The following SI variants were observed in gnomAD, a reference collection of about 807,000 sequenced individuals.
SI encodes the protein sucrase-isomaltase.
A neutral mutation model predicts 253.3 loss-of-function variants in SI; 235 were observed. That is an observed-to-expected ratio of 0.93 (90% confidence interval 0.83 to 1.03). SI has a LOEUF of 1.03. Ranked by LOEUF, SI falls within the 50% of genes least tolerant of loss-of-function variation. The pLI is 0.00. For missense variants in SI, 2,442 were observed against 2,211.1 expected, an observed-to-expected ratio of 1.10 and a Z score of -2.09; for synonymous variants, 819 against 712.0, an observed-to-expected ratio of 1.15 and a Z score of -2.39.
intron 7 of SI, among the ~76,000 whole-genome samples, chr3:165,064,377 G>A (rs935323169): frequency 6.6e-6 from 1 of 152,018 alleles, no homozygotes; most frequent in Non-Finnish European, 1.5e-5. Context: ...CTCTGGTGTC[G>A]ATTATAGATA....
rs1472651217 is a variant in SI, at chr3:165,003,328, G to A, written c.4406+3488C>T. Among the ~76,000 whole-genome samples, 10 of 151,604 alleles carry A rather than the reference G, an allele frequency of 6.6e-5. No homozygotes were observed. In the East Asian group the frequency reaches 1.2e-3, roughly 18 times the overall value. ...TCATCACTCAATTTTCAATATTTTTGTTCTTTTTAATGTCTACAGTTTTAG... is the reference window on the plus strand; with the variant it reads ...TCATCACTCAATTTTCAATATTTTTATTCTTTTTAATGTCTACAGTTTTAG... On this transcript the variant is annotated intron_variant, in intron 37 of 47. Coordinates refer to ENST00000264382, the MANE Select transcript of SI (RefSeq NM_001041.4).
intron 20 of SI, 84 bp from the exon 21 acceptor site, chr3:165,038,108 T>C: frequency 8.0e-7 from 1 of 1,243,848 alleles, no homozygotes; most frequent in Non-Finnish European, 1.2e-6. Flanking sequence ...GCATTTTTAT[T>C]ATGAGCAATT....
intron 6 of SI, among the ~76,000 whole-genome samples, chr3:165,066,668 G>A (rs898537037): frequency 6.6e-6 from 1 of 151,768 alleles, no homozygotes; most frequent in Non-Finnish European, 1.5e-5. Context: ...ATATAAGGGA[G>A]ATCATACAGT....
rs143003608 is a variant in SI, at chr3:165,019,770, A to G, written c.3255T>C (p.Ile1085=). The change falls in exon 28 of 48, where the codon ATT becomes ATC. Residue 1085 remains isoleucine (I), a splice_region_variant and synonymous_variant. Transcript: ENST00000264382. The part of the protein sequence containing the change: ...QIRRRSSGRV[I]WDSWLPGFAF... ...CAAATCCAGGCAGCCAAGAATCCCA[A>G]CTGAAAACAAAAGAAAACAAAGCTA... 42 of 1,611,910 alleles carry G rather than the reference A, an allele frequency of 2.6e-5. No homozygotes were observed. The East Asian group carries it at 6.3e-4, about 24-fold the overall frequency.
intron 37 of SI, among the ~76,000 whole-genome samples, chr3:165,005,583 G>T (rs991353489): frequency 6.6e-6 from 1 of 151,956 alleles, no homozygotes; most frequent in Non-Finnish European, 1.5e-5. Context: ...GTCTAATATG[G>T]TAGCCACTAA....
chr3:165,055,450 C>A, intron 12 of SI, 143 bp from the exon 13 acceptor site: 3 of 545,056 alleles, frequency 5.5e-6, no homozygotes, highest in South Asian at 5.2e-5. Context: ...TATAAATTTA[C>A]AAGAATATCA....
rs1371880553 is a variant in SI, at chr3:165,034,583, C to T, written c.2516-1139G>A. ...GAATCTAATCTCACAGGAGAGCTCA[C>T]CCTAGTGTGCTTACACCCCAGGGTA... On this transcript the variant is annotated intron_variant, in intron 22 of 47. Transcript: ENST00000264382. Among the ~76,000 whole-genome samples the T allele has an allele frequency of 2.6e-5, 4 of 152,064 alleles. No homozygotes were observed. The East Asian group carries it at 5.8e-4, about 22-fold the overall frequency.
At chr3:165,043,925 C>A (rs567377459) in intron 16 of SI, among the ~76,000 whole-genome samples, 1 of 151,788 alleles carries the variant, frequency 6.6e-6, no homozygotes, top group Non-Finnish European at 1.5e-5. Context: ...AAAATTCTTC[C>A]GTGAAATTTA....
intron 26 of SI, among the ~76,000 whole-genome samples, 183 bp downstream of exon 26, chr3:165,023,387 G>C (rs1391618661): frequency 6.6e-6 from 1 of 151,422 alleles, no homozygotes; most frequent in African/African-American, 2.4e-5. Flanking sequence ...TAGCAGGAAT[G>C]AGCAGTTTCA....
intron 33 of SI, 44 bp downstream of exon 33, chr3:165,015,078 AT>A: frequency 7.1e-7 from 1 of 1,417,906 alleles, no homozygotes; most frequent in South Asian, 1.2e-5. Context: ...TTTCATTGAA[AT>A]ATAATTTTTG....
rs78013297 is a variant in SI, at chr3:165,017,796, G to A, written c.3598C>T (p.Pro1200Ser). The A allele has an allele frequency of 1.9e-4, 309 of 1,612,768 alleles. 1 individual carries two copies. The African/African-American group carries it at 3.6e-3, about 19-fold the overall frequency. ...TGCTTTGTTGCAACTTCTGGAGTTG[G>A]GCCCAAAAACATATAAAAATCCAAG... ...GILDFYMFLG[P>S]TPEVATKQYH... Residue 1200 changes from proline to serine, a missense_variant, in exon 30 of 48, where the codon CCA becomes TCA. Pro to Ser is a moderately conservative substitution (Grantham distance 74). Transcript: ENST00000264382.
rs527874323 is a variant in SI at position 165,000,671 on chromosome 3, T to C, written c.4407-1998A>G. ...TAAGAGGAATCTCCTCTGTAAACCC[T>C]CACACAGAATATGTATTTGACGCCA... On this transcript the variant is annotated intron_variant, in intron 37 of 47. Coordinates refer to ENST00000264382, the MANE Select transcript of SI (RefSeq NM_001041.4). Among the ~76,000 whole-genome samples, 4 of 151,526 alleles carry C rather than the reference T, an allele frequency of 2.6e-5. No homozygotes were observed. In the East Asian group the frequency reaches 7.7e-4, roughly 29 times the overall value.
chr3:165,073,238 C>T (rs1247974234), intron 3 of SI, among the ~76,000 whole-genome samples: 2 of 124,778 alleles, frequency 1.6e-5, no homozygotes, highest in African/African-American at 3.0e-5. Flanking sequence ...GTCTCTTTCC[C>T]TCTCTCTCTC....
intron 13 of SI, among the ~76,000 whole-genome samples, chr3:165,052,014 T>G (rs1405602586): frequency 6.6e-6 from 1 of 152,038 alleles, no homozygotes; most frequent in Non-Finnish European, 1.5e-5. Context: ...AGGCAAAATT[T>G]TTTTTCATAA....
chr3:165,059,764 A>G (rs988352733), intron 10 of SI, 138 bp downstream of exon 10: 37 of 871,646 alleles, frequency 4.2e-5, no homozygotes, highest in Non-Finnish European at 5.7e-5. Context: ...GATAAAATAT[A>G]CTTTACAATT....
Position 164,998,652 on chromosome 3 carries a change from T to C in SI, c.4428A>G (p.Gly1476=), listed in dbSNP as rs1234871176. 3.7e-6 allele frequency: 6 copies of C among 1,611,466 alleles called. No homozygotes were observed. Among genetic ancestry groups the C allele is most frequent in the Non-Finnish European group, 1.7e-6 (2 of 1,178,210 alleles). The change falls in exon 38 of 48, where the codon GGA becomes GGG. Residue 1476 remains glycine, a synonymous_variant. Transcript: ENST00000264382. The stretch of plus-strand genomic sequence containing the variant: ...AACGAGAAATTACAATCCCTCTTTT[T>C]CCAGTTGTCTTCTGCAATGCACTAA... ...PTHDALQKTT[G]KRGIVISRST...
At chr3:165,006,252 C>T (rs1718504483) in intron 37 of SI, among the ~76,000 whole-genome samples, 1 of 151,964 alleles carries the variant, frequency 6.6e-6, no homozygotes, top group African/African-American at 2.4e-5. Context: ...GGGACCACAG[C>T]TCTGCACCAC....
chr3:165,048,584 T>TATATAGAG (rs779292188), intron 15 of SI, among the ~76,000 whole-genome samples: 34 of 125,266 alleles, frequency 2.7e-4, no homozygotes, highest in Middle Eastern at 3.9e-3. Context: ...TATATATATA[T>TATATAGAG]AGAGAGAGAG....
intron 32 of SI, 67 bp downstream of exon 32, chr3:165,015,885 C>T (rs2290737): frequency 6.7e-5 from 91 of 1,364,074 alleles, no homozygotes; most frequent in South Asian, 3.7e-4. Context: ...TCTTCCCCCC[C>T]ACCTGCTCAT....
Sources: gnomAD v4.1 joint callset for allele counts (sites outside exome capture counted in the v4.1 genomes callset) on GRCh38, gnomAD v4.1.1 for gene constraint, MANE v1.5 for transcripts, NCBI Gene and HGNC (gene_info 2026-07-23, HGNC 2026-07-21) for gene names.